The following SPATA7 variants were observed in gnomAD, a reference collection of about 807,000 sequenced individuals.
SPATA7 encodes the protein spermatogenesis-associated protein 7.
In SPATA7, 43 loss-of-function variants were observed where a neutral mutation model predicts 51.8. The observed-to-expected ratio is 0.83, with a 90% CI of 0.65 to 1.07. The LOEUF is 1.07. Among genes scored for constraint, SPATA7 ranks in the 50% least tolerant of loss-of-function variants. SPATA7 has a pLI of 0.00. For missense variants in SPATA7, 683 were observed against 701.3 expected (o/e 0.97, Z 0.30); for synonymous variants, 230 against 252.8 (o/e 0.91, Z 0.86).
At chr14:88,452,265 A>ATG (rs1346134693) in intron 3 of SPATA7, among the ~76,000 whole-genome samples, 1 of 152,120 alleles carries the variant, frequency 6.6e-6, no homozygotes, top group Non-Finnish European at 1.5e-5. Context: ...GAGTCCTGAG[A>ATG]TGTGATTCAT....
intron 4 of SPATA7, among the ~76,000 whole-genome samples, chr14:88,464,916 G>A (rs965573387): frequency 1.3e-5 from 2 of 152,108 alleles, no homozygotes; most frequent in African/African-American, 4.8e-5. Context: ...TGAAATGACT[G>A]ATGGTGAAAG....
downstream of SPATA7, among the ~76,000 whole-genome samples, chr14:88,455,813 G>C (rs1413381928): frequency 6.6e-6 from 1 of 151,860 alleles, no homozygotes; most frequent in Non-Finnish European, 1.5e-5. Context: ...TGCCGTGTTG[G>C]TGTGCTGCAC....
At position 88,416,725 on chromosome 14, in the gene SPATA7, C is replaced by T. The variant is rs140287375; in HGVS notation, c.253C>T (p.Arg85Ter). The T allele has an allele frequency of 4.4e-5, 71 of 1,612,808 alleles. No homozygotes were observed. The highest frequency in any genetic ancestry group is 3.7e-4 in the South Asian group (34 of 90,836). ...STSIKYADQQ[R>*]REKLKKELAQ... is the part of the protein sequence containing the mutation. ...TTCCCTTTTAGATGCAGACCAACAA[C>T]GAAGAGAGAAACTCAAAAAGGAATT... The change falls in exon 5 of 12, where the codon CGA (arginine) becomes TGA (stop). Residue 85 changes from arginine (R) to a stop codon, truncating the protein, a stop_gained. Transcript: ENST00000393545. LOFTEE classifies it high-confidence loss of function.
intron 1 of SPATA7, among the ~76,000 whole-genome samples, chr14:88,388,006 G>T (rs538675639): frequency 6.6e-6 from 1 of 152,072 alleles, no homozygotes; most frequent in Non-Finnish European, 1.5e-5. Context: ...TTTGAGACCA[G>T]CCTGGGCAAC....
intron 4 of SPATA7, chr14:88,414,856 G>T (rs2076432296): frequency 4.7e-6 from 1 of 213,516 alleles, no homozygotes; most frequent in African/African-American, 2.4e-5. Context: ...GTAAAATTAT[G>T]TGGTTTTGAG....
rs752465398 is a variant in SPATA7 at position 88,468,178 on chromosome 14, T to C, written c.255-1669T>C. Reference sequence around the variant, plus strand: ...CTTTTCAGGAACTGGATGAGGACTCTGTACACAAATGTGTACTGGCAGAGA... The same window carrying C: ...CTTTTCAGGAACTGGATGAGGACTCCGTACACAAATGTGTACTGGCAGAGA... On this transcript the variant is annotated intron_variant, in intron 4 of 4. Coordinates refer to the SPATA7 transcript ENST00000556406. 5 of 1,612,914 alleles carry C rather than the reference T, an allele frequency of 3.1e-6. No homozygotes were observed. In the South Asian group the frequency reaches 5.5e-5, roughly 18 times the overall value.
chr14:88,391,360 A>AT lies in SPATA7; in HGVS notation c.20-12dup, dbSNP rs771452294. ...TGTGTTTCATTTATCCTAATTTATG[A>AT]TTTTTTTTTCTTGTTAAAAGTCAGA... On this transcript the variant is annotated intron_variant, in intron 1 of 11. Coordinates refer to ENST00000393545, the MANE Select transcript of SPATA7 (RefSeq NM_018418.5). The AT allele has an allele frequency of 8.0e-4, 1,263 of 1,569,844 alleles. 8 individuals carry two copies. The highest frequency in any genetic ancestry group is 7.1e-3 in the South Asian group (632 of 89,058).
intron 1 of SPATA7, among the ~76,000 whole-genome samples, chr14:88,388,727 AG>A (rs2075652252): frequency 6.6e-6 from 1 of 152,052 alleles, no homozygotes; most frequent in Admixed American, 6.5e-5. Context: ...CCCTGTCTCT[AG>A]TATATAAAAC....
At chr14:88,452,452 A>AG (rs1367482187) in intron 3 of SPATA7, among the ~76,000 whole-genome samples, 1 of 152,200 alleles carries the variant, frequency 6.6e-6, no homozygotes, top group African/African-American at 2.4e-5. Flanking sequence ...GTGGTATTAT[A>AG]GGGAAAATCA....
chr14:88,465,011 C>A (rs1265664277), intron 4 of SPATA7, among the ~76,000 whole-genome samples: 1 of 152,172 alleles, frequency 6.6e-6, no homozygotes, highest in South Asian at 2.1e-4. Context: ...CTGTTTCTGG[C>A]TAGACATTGC....
At chr14:88,404,672 A>G (rs1364565318) in intron 4 of SPATA7, among the ~76,000 whole-genome samples, 1 of 152,200 alleles carries the variant, frequency 6.6e-6, no homozygotes, top group Non-Finnish European at 1.5e-5. Flanking sequence ...AGCCAAGATC[A>G]TGCCATTGCA....
At chr14:88,457,055 G>C (rs1326166592), downstream of SPATA7, among the ~76,000 whole-genome samples, 2 of 152,252 alleles carry the variant, frequency 1.3e-5, no homozygotes, top group East Asian at 3.9e-4. Flanking sequence ...TATTATTTCT[G>C]AGGGCTCTGT....
chr14:88,412,890 G>A (rs1453384368), intron 4 of SPATA7, among the ~76,000 whole-genome samples: 2 of 152,154 alleles, frequency 1.3e-5, no homozygotes, highest in African/African-American at 4.8e-5. Context: ...CCAATGTCCA[G>A]CAGAGTATAT....
intron 10 of SPATA7, among the ~76,000 whole-genome samples, chr14:88,436,457 G>A (rs933958113): frequency 6.6e-6 from 1 of 152,074 alleles, no homozygotes; most frequent in African/African-American, 2.4e-5. Context: ...GTTTGCTTTG[G>A]TTGCCTGTGC....
At chr14:88,414,869 G>C (rs1423761662) in intron 4 of SPATA7, 1 of 199,340 alleles carries the variant, frequency 5.0e-6, no homozygotes, top group Non-Finnish European at 1.1e-5. Flanking sequence ...GTTTTGAGGA[G>C]TACTCTTGGT....
At position 88,412,222 on chromosome 14, in the gene SPATA7, CTTT is replaced by C. The variant is rs58818266; in HGVS notation, c.239-4475_239-4473del. ...ATGGGGTTATTTGTTTTTCTTCTTG[CTTT>C]TTTTTTTTTTTTTAAGTTCCTCATA... On this transcript the variant is annotated intron_variant, in intron 4 of 11. Transcript: ENST00000393545. Among the ~76,000 whole-genome samples, 308 of 135,040 alleles carry C rather than the reference CTTT, an allele frequency of 2.3e-3. 3 individuals are homozygous for C. Among genetic ancestry groups the C allele is most frequent in the African/African-American group, 8.2e-3 (291 of 35,402 alleles). The allele number at this position is 135,040 out of a possible 152,430, so 88.6% of individuals were successfully genotyped here.
rs1264745697 is a variant in SPATA7 at position 88,469,751 on chromosome 14, G to A, written c.255-96G>A. ...CCACCCTCCTGTTAAAGATGAGCAT[G>A]GTTAAATGACTCGAGATCCGGCAAT... On this transcript the variant is annotated intron_variant, in intron 4 of 4. Transcript: ENST00000556406. The surrounding 1 kb of genome is among the most constrained non-coding windows in gnomAD (Gnocchi z 4.3). 2.5e-6 allele frequency: 4 copies of A among 1,612,118 alleles called. No homozygotes were observed. The highest frequency in any genetic ancestry group is 4.5e-5 in the East Asian group (2 of 44,886).
intron 5 of SPATA7, among the ~76,000 whole-genome samples, chr14:88,425,275 A>G (rs1167392132): frequency 2.0e-5 from 3 of 152,168 alleles, no homozygotes; most frequent in Non-Finnish European, 4.4e-5. Flanking sequence ...CTTCTATTCA[A>G]TGTCAAGAGC....
chr14:88,431,111 T>C (rs2076927656), intron 8 of SPATA7, 61 bp from the exon 9 acceptor site: 2 of 1,349,658 alleles, frequency 1.5e-6, no homozygotes, highest in Admixed American at 1.7e-5. Flanking sequence ...TACAATGTTA[T>C]TGAGTACTTA....
Sources: gnomAD v4.1 joint callset for allele counts (sites outside exome capture counted in the v4.1 genomes callset) on GRCh38, gnomAD v4.1.1 for gene constraint, Gnocchi (gnomAD v3.1) non-coding constraint, MANE v1.5 for transcripts, NCBI Gene and HGNC (gene_info 2026-07-23, HGNC 2026-07-21) for gene names.